Variants in CCDC171 observed in about 807,000 individuals in gnomAD.
CCDC171 encodes coiled-coil domain-containing protein 171.
In CCDC171, 177 loss-of-function variants were observed where a neutral mutation model predicts 168.2. That is an observed-to-expected ratio of 1.05 (90% CI 0.93 to 1.19). CCDC171 has a LOEUF of 1.19. CCDC171 is among the 50% of genes most tolerant of loss of function. The pLI, the probability that CCDC171 is intolerant of heterozygous loss-of-function variation, is 0.00. For synonymous variants in CCDC171, 687 were observed against 540.8 expected (o/e 1.27, Z -3.75); for missense variants, 1,991 against 1,539.0 (o/e 1.29, Z -4.91).
chr9:15,840,361 G>A (rs936744110), intron 21 of CCDC171, among the ~76,000 whole-genome samples: 3 of 151,920 alleles, frequency 2.0e-5, no homozygotes, highest in African/African-American at 2.4e-5. Context: ...TTCATAGCTC[G>A]ACTCGTTTAA....
intron 25 of CCDC171, among the ~76,000 whole-genome samples, chr9:15,926,265 A>G (rs554676643): frequency 4.0e-5 from 6 of 151,758 alleles, no homozygotes; most frequent in South Asian, 2.1e-4. Context: ...TTAATGAATG[A>G]AATTATCATT....
At chr9:15,917,692 A>G (rs375156163) in intron 24 of CCDC171, among the ~76,000 whole-genome samples, 1 of 151,702 alleles carries the variant, frequency 6.6e-6, no homozygotes, top group Admixed American at 6.6e-5. Context: ...AATTCATAAA[A>G]TGTGTTTCTC....
At chr9:15,879,594 G>C (rs114465281) in intron 24 of CCDC171, among the ~76,000 whole-genome samples, 2 of 152,016 alleles carry the variant, frequency 1.3e-5, no homozygotes, top group Non-Finnish European at 2.9e-5. Flanking sequence ...TACTATTTGT[G>C]TGCATTGTTT....
the CCDC171 span, among the ~76,000 whole-genome samples, chr9:16,088,933 A>G: frequency 2.6e-5 from 4 of 152,166 alleles, no homozygotes; most frequent in African/African-American, 9.7e-5. Flanking sequence ...ACGAAGCTGG[A>G]GGCATCTTGC....
Position 15,623,493 on chromosome 9 carries a change from A to G in CCDC171, c.822+80A>G, listed in dbSNP as rs1351848305. 59 of 644,426 alleles carry G rather than the reference A, an allele frequency of 9.2e-5. 1 individual carries two copies. Among genetic ancestry groups the G allele is most frequent in the Non-Finnish European group, 1.2e-4 (47 of 406,866 alleles). The allele number at this position is 644,426 out of a possible 1,614,324, so 39.9% of individuals were successfully genotyped here. ...CGCGCGCGCACACACACACACACAC[A>G]CACACACACACACATAAAACCCATT... is the stretch of plus-strand genomic sequence containing the variant. On this transcript the variant is annotated intron_variant, in intron 7 of 25. Transcript: ENST00000380701.
chr9:16,094,051 C>T, the CCDC171 span, among the ~76,000 whole-genome samples: 1 of 152,126 alleles, frequency 6.6e-6, no homozygotes, highest in African/African-American at 2.4e-5. Context: ...AGAGCATGGA[C>T]TCAGGCTAAG....
chr9:15,846,409 A>G (rs1033883064), intron 21 of CCDC171, among the ~76,000 whole-genome samples: 43 of 152,254 alleles, frequency 2.8e-4, no homozygotes, highest in African/African-American at 9.9e-4. Flanking sequence ...AGAAAGTACA[A>G]CTTGAGATTT....
chr9:15,809,850 T>A (rs1486960650), intron 21 of CCDC171, among the ~76,000 whole-genome samples: 1 of 152,172 alleles, frequency 6.6e-6, no homozygotes, highest in Admixed American at 6.5e-5. Context: ...CTGCTTTTAT[T>A]CCCTTATCTG....
Position 15,566,184 on chromosome 9 carries a change from T to G in CCDC171, c.41+2055T>G, listed in dbSNP as rs186487526. On this transcript the variant is annotated intron_variant, in intron 2 of 25. Coordinates refer to ENST00000380701, the MANE Select transcript of CCDC171 (RefSeq NM_173550.4). Reference sequence around the variant, plus strand: ...GAAATGTCTCTTCAGATCTGTTTATTTTTAAATTGTGTTTTTTTTTTTTAT... The same window carrying G: ...GAAATGTCTCTTCAGATCTGTTTATGTTTAAATTGTGTTTTTTTTTTTTAT... Among the ~76,000 whole-genome samples the G allele has an allele frequency of 7.9e-4, 120 of 151,262 alleles. 1 individual carries two copies. The highest frequency in any genetic ancestry group is 2.7e-3 in the African/African-American group (113 of 41,354).
At chr9:16,105,774 G>A in the CCDC171 span, among the ~76,000 whole-genome samples, 6 of 152,296 alleles carry the variant, frequency 3.9e-5, no homozygotes, top group East Asian at 3.9e-4. Flanking sequence ...TAACCAACAC[G>A]GTTTTTGGCC....
chr9:16,102,136 A>T, the CCDC171 span, among the ~76,000 whole-genome samples: 3 of 152,208 alleles, frequency 2.0e-5, no homozygotes, highest in Admixed American at 1.3e-4. Context: ...AGGACTGAAG[A>T]TGAAGAACAG....
chr9:15,903,488 A>G (rs985479012), intron 24 of CCDC171, among the ~76,000 whole-genome samples: 17 of 149,262 alleles, frequency 1.1e-4, no homozygotes, highest in Non-Finnish European at 2.1e-4. Flanking sequence ...GTTAGAAGGA[A>G]AACTAACAGA....
chr9:15,781,565 C>A (rs2057669747), intron 20 of CCDC171, among the ~76,000 whole-genome samples: 2 of 152,062 alleles, frequency 1.3e-5, no homozygotes, highest in African/African-American at 4.8e-5. Context: ...GCGCCCACCA[C>A]CACGCTCAGC....
At chr9:15,648,116 C>G (rs2047197484) in intron 7 of CCDC171, among the ~76,000 whole-genome samples, 1 of 152,172 alleles carries the variant, frequency 6.6e-6, no homozygotes, top group Non-Finnish European at 1.5e-5. Flanking sequence ...TAAACGTAAT[C>G]CATCACATAA....
chr9:15,648,620 C>G (rs562046334), intron 7 of CCDC171, among the ~76,000 whole-genome samples: 2 of 152,192 alleles, frequency 1.3e-5, no homozygotes, highest in Non-Finnish European at 2.9e-5. Flanking sequence ...AAGCAGAGAG[C>G]CAACTCATGA....
chr9:15,964,254 A>T (rs922220985), intron 25 of CCDC171, among the ~76,000 whole-genome samples: 1 of 152,160 alleles, frequency 6.6e-6, no homozygotes, highest in African/African-American at 2.4e-5. Flanking sequence ...ATTGATTTTC[A>T]TGAGCCTTTT....
In CCDC171 at chr9:15,582,790, G is replaced by C. The variant is rs980018718; in HGVS notation, c.352+3767G>C. On this transcript the variant is annotated intron_variant, in intron 4 of 25. Transcript: ENST00000380701. ...CACACTGGGGCCTGGCAGGAGGTGG[G>C]GGGCTGGGGGAGGGATAGCATCAGG... Among the ~76,000 whole-genome samples the C allele has an allele frequency of 1.4e-4, 21 of 152,102 alleles. 1 individual carries two copies. The East Asian group carries it at 4.0e-3, about 29-fold the overall frequency.
At position 15,839,941 on chromosome 9, in the gene CCDC171, A is replaced by G. The variant is rs114841245; in HGVS notation, c.3268-6761A>G. ...TTTACATTTAAGTCTAAAATAACCT[A>G]AATTTATTTTCCCAATTTTAAATTT... is the stretch of plus-strand genomic sequence containing the variant. On this transcript the variant is annotated intron_variant, in intron 21 of 25. Coordinates refer to ENST00000380701, the MANE Select transcript of CCDC171 (RefSeq NM_173550.4). 9.6e-3 allele frequency among the ~76,000 whole-genome samples: 1,450 copies of G among 151,006 alleles called. 23 individuals carry two copies. The highest frequency in any genetic ancestry group is 0.033 in the African/African-American group (1,389 of 41,524).
intron 6 of CCDC171, among the ~76,000 whole-genome samples, chr9:15,613,494 T>C (rs1252682877): frequency 1.3e-5 from 2 of 151,496 alleles, no homozygotes; most frequent in African/African-American, 2.4e-5. Flanking sequence ...TAAAAACAAA[T>C]GGTTTTGATT....
Sources: gnomAD v4.1 joint callset for allele counts (sites outside exome capture counted in the v4.1 genomes callset) on GRCh38, gnomAD v4.1.1 for gene constraint, MANE v1.5 for transcripts, NCBI Gene and HGNC (gene_info 2026-07-23, HGNC 2026-07-21) for gene names.